ITPR2: variants seen among roughly 807,000 people sequenced by gnomAD.
ITPR2 encodes the protein inositol 1,4,5-trisphosphate receptor type 2, also known as inositol 1,4,5-trisphosphate-gated calcium channel ITPR2.
ITPR2 carries 207 observed loss-of-function variants against 317.1 expected under a neutral mutation model. The ratio of observed to expected loss-of-function variants is 0.65; its 90% confidence interval spans 0.58 to 0.73. ITPR2 has a LOEUF of 0.73. ITPR2 is among the 30% of genes least tolerant of loss of function. ITPR2 has a pLI of 0.00. For missense variants in ITPR2, 2,613 were observed against 3,284.0 expected, an observed-to-expected ratio of 0.80 and a Z score of 4.99; for synonymous variants, 1,156 against 1,149.1, an observed-to-expected ratio of 1.01 and a Z score of -0.12.
rs1234379544 is a variant in ITPR2 at position 26,831,745 on chromosome 12, TTC to T, written c.92+943_92+944del. Among the ~76,000 whole-genome samples the T allele has an allele frequency of 2.1e-5, 3 of 139,820 alleles. No homozygotes were observed. Among genetic ancestry groups the T allele is most frequent in the Non-Finnish European group, 3.2e-5 (2 of 63,298 alleles). The allele number at this position is 139,820 out of a possible 152,430, so 91.7% of individuals were successfully genotyped here. A position where few individuals can be genotyped will look rare whatever the true frequency, so the allele number is the denominator to read the frequency against. ...TCTACATAAAATATATAAATATATA[TTC>T]TACATAAAATATATAAATATATATT... On this transcript the variant is annotated intron_variant, in intron 1 of 56. Transcript: ENST00000381340. The surrounding 1 kb of genome is among the most constrained non-coding windows in gnomAD (Gnocchi z 4.9).
intron 55 of ITPR2, among the ~76,000 whole-genome samples, chr12:26,346,142 A>G (rs1938298389): frequency 1.3e-5 from 2 of 152,198 alleles, no homozygotes; most frequent in Non-Finnish European, 2.9e-5. Context: ...CTAAAATGCA[A>G]AACTCCAAGA....
At chr12:26,388,077 A>G (rs1028169956) in intron 54 of ITPR2, among the ~76,000 whole-genome samples, 1 of 152,226 alleles carries the variant, frequency 6.6e-6, no homozygotes, top group African/African-American at 2.4e-5. Context: ...GAACACAAAG[A>G]AGATGGCCGT....
intron 23 of ITPR2, among the ~76,000 whole-genome samples, chr12:26,626,974 A>T (rs779394795): frequency 6.6e-6 from 1 of 152,246 alleles, no homozygotes; most frequent in African/African-American, 2.4e-5. Flanking sequence ...TGGTAATTTA[A>T]TATTTCTTAG....
intron 37 of ITPR2, among the ~76,000 whole-genome samples, chr12:26,503,792 T>C (rs1943126178): frequency 6.6e-6 from 1 of 152,240 alleles, no homozygotes; most frequent in East Asian, 1.9e-4. Context: ...GCTACTGTAA[T>C]ATTTTATTTT....
chr12:26,357,987 G>A (rs1221026763), intron 55 of ITPR2, among the ~76,000 whole-genome samples: 1 of 152,232 alleles, frequency 6.6e-6, no homozygotes, highest in East Asian at 1.9e-4. Flanking sequence ...CTATTACAAA[G>A]AGAGCTACAG....
intron 37 of ITPR2, among the ~76,000 whole-genome samples, chr12:26,518,130 A>G (rs541479650): frequency 5.3e-4 from 80 of 152,254 alleles, no homozygotes; most frequent in Non-Finnish European, 1.0e-3. Flanking sequence ...AAACCCATCA[A>G]CAGTGGAATG....
chr12:26,503,548 A>G (rs1378729933), intron 37 of ITPR2, among the ~76,000 whole-genome samples: 1 of 152,218 alleles, frequency 6.6e-6, no homozygotes, highest in Non-Finnish European at 1.5e-5. Flanking sequence ...GGCAATGACA[A>G]TGCACGTTAG....
At chr12:26,690,801 C>T (rs940962246) in intron 10 of ITPR2, among the ~76,000 whole-genome samples, 4 of 152,130 alleles carry the variant, frequency 2.6e-5, no homozygotes, top group Non-Finnish European at 5.9e-5. Context: ...AAAAAACTCA[C>T]CAGTTAGGGT....
intron 2 of ITPR2, among the ~76,000 whole-genome samples, chr12:26,781,739 A>G (rs967335146): frequency 3.9e-5 from 6 of 151,986 alleles, no homozygotes; most frequent in African/African-American, 1.5e-4. Context: ...GGAGATTAAC[A>G]TCTGAGTCAG....
chr12:26,541,146 T>TAAA (rs3058665), intron 37 of ITPR2, among the ~76,000 whole-genome samples: 57,607 of 109,610 alleles, frequency 0.53, 18,013 homozygotes, highest in Non-Finnish European at 0.71. Flanking sequence ...CATCTCTGCT[T>TAAA]AAAAAAAAAA....
chr12:26,481,028 T>C (rs760527033), intron 43 of ITPR2, 103 bp downstream of exon 43: 14 of 602,540 alleles, frequency 2.3e-5, no homozygotes, highest in African/African-American at 5.6e-5. Flanking sequence ...TTTCTGTCAA[T>C]TGATTAGTTG....
chr12:26,413,739 T>C (rs1027594994), intron 51 of ITPR2, among the ~76,000 whole-genome samples: 2 of 152,182 alleles, frequency 1.3e-5, no homozygotes, highest in African/African-American at 4.8e-5. Context: ...ATAAATATTT[T>C]TAAGTAAAGA....
At chr12:26,358,872 A>C (rs1290840413) in intron 55 of ITPR2, among the ~76,000 whole-genome samples, 1 of 152,006 alleles carries the variant, frequency 6.6e-6, no homozygotes, top group East Asian at 1.9e-4. Context: ...TGTTCCCACC[A>C]GGGGTTGGCT....
At chr12:26,379,733 G>A (rs545109589) in intron 55 of ITPR2, among the ~76,000 whole-genome samples, 1 of 152,210 alleles carries the variant, frequency 6.6e-6, no homozygotes, top group South Asian at 2.1e-4. Flanking sequence ...CACTTCAGTT[G>A]GCTTCTATTT....
intron 13 of ITPR2, among the ~76,000 whole-genome samples, chr12:26,678,943 T>G (rs559936026): frequency 2.0e-5 from 3 of 152,342 alleles, no homozygotes; most frequent in Non-Finnish European, 2.9e-5. Flanking sequence ...AATATCTTAA[T>G]GCTTAGCAAG....
intron 1 of ITPR2, among the ~76,000 whole-genome samples, chr12:26,797,498 A>T (rs1319868509): frequency 6.6e-6 from 1 of 152,172 alleles, no homozygotes; most frequent in African/African-American, 2.4e-5. Flanking sequence ...TTTACCACAT[A>T]TATCTGATTC....
chr12:26,722,595 T>C lies in ITPR2; in HGVS notation c.367-40A>G, dbSNP rs756585049. 7.6e-6 allele frequency: 11 copies of C among 1,439,896 alleles called. No homozygotes were observed. In the Middle Eastern group the frequency reaches 8.9e-4, roughly 116 times the overall value. The allele number at this position is 1,439,896 out of a possible 1,614,324, so 89.2% of individuals were successfully genotyped here. On this transcript the variant is annotated intron_variant, in intron 4 of 56. Transcript: ENST00000381340. ...CATAGATTACCACCTTTATTCTTTG[T>C]TCTCCTCTGTTAATTACATTCATAT...
intron 45 of ITPR2, among the ~76,000 whole-genome samples, chr12:26,450,459 G>T (rs1311542028): frequency 6.6e-6 from 1 of 151,922 alleles, no homozygotes; most frequent in Non-Finnish European, 1.5e-5. Flanking sequence ...TAAGAACACA[G>T]ACCAAAGAAG....
chr12:26,622,151 A>G (rs1473258376), intron 25 of ITPR2, 89 bp downstream of exon 25: 1 of 1,203,516 alleles, frequency 8.3e-7, no homozygotes, highest in Non-Finnish European at 1.2e-6. Flanking sequence ...ACACAGTGTC[A>G]TTACCTCTGC....
Sources: gnomAD v4.1 joint callset for allele counts (sites outside exome capture counted in the v4.1 genomes callset) on GRCh38, gnomAD v4.1.1 for gene constraint, Gnocchi (gnomAD v3.1) non-coding constraint, MANE v1.5 for transcripts, NCBI Gene and HGNC (gene_info 2026-07-23, HGNC 2026-07-21) for gene names.